The following NRG1 variants were observed in gnomAD, a reference collection of about 807,000 sequenced individuals.
NRG1 encodes neuregulin 1, also known as pro-neuregulin-1, membrane-bound isoform.
A neutral mutation model predicts 63.8 loss-of-function variants in NRG1; 18 were observed. The ratio of observed to expected loss-of-function variants is 0.28; its 90% confidence interval spans 0.19 to 0.42. NRG1 has a LOEUF of 0.42. NRG1 is among the 10% of genes least tolerant of loss of function. The probability of loss-of-function intolerance (pLI) is 1.00; values close to 1 mark genes in which losing one functional copy is unlikely to be tolerated. For synonymous variants in NRG1, 302 were observed against 301.3 expected, an observed-to-expected ratio of 1.00 and a Z score of -0.02; for missense variants, 762 against 814.7, an observed-to-expected ratio of 0.94 and a Z score of 0.79.
At chr8:32,018,781 T>C (rs1252992595) in intron 1 of NRG1, among the ~76,000 whole-genome samples, 6 of 152,212 alleles carry the variant, frequency 3.9e-5, no homozygotes, top group East Asian at 1.9e-4. Context: ...GGAATTGCTA[T>C]AGGTAGATGT....
chr8:31,805,425 TAG>T (rs1822172603), intron 1 of NRG1, among the ~76,000 whole-genome samples: 2 of 152,092 alleles, frequency 1.3e-5, no homozygotes, highest in South Asian at 4.1e-4. Context: ...GAAAATAGAG[TAG>T]ATAATTATTA....
At chr8:32,641,550 C>G (rs1852400805) in intron 5 of NRG1, among the ~76,000 whole-genome samples, 1 of 152,174 alleles carries the variant, frequency 6.6e-6, no homozygotes, top group Non-Finnish European at 1.5e-5. Flanking sequence ...CTATCGTATG[C>G]AATTAAAATA....
intron 1 of NRG1, among the ~76,000 whole-genome samples, chr8:32,350,121 T>G (rs1182373743): frequency 6.6e-6 from 1 of 152,180 alleles, no homozygotes; most frequent in Non-Finnish European, 1.5e-5. Flanking sequence ...AAATGTACCC[T>G]AAGTGGTCCT....
intron 1 of NRG1, among the ~76,000 whole-genome samples, chr8:32,498,756 CT>C (rs1394337154): frequency 2.0e-5 from 3 of 152,166 alleles, no homozygotes; most frequent in Non-Finnish European, 1.5e-5. Context: ...GACTCCCTAT[CT>C]TTATAACATG....
chr8:32,559,884 T>C (rs1014237573), intron 1 of NRG1, among the ~76,000 whole-genome samples: 5 of 150,028 alleles, frequency 3.3e-5, no homozygotes, highest in Non-Finnish European at 7.4e-5. Flanking sequence ...TAGCCAGGCA[T>C]GGTGGGATGC....
intron 1 of NRG1, among the ~76,000 whole-genome samples, chr8:31,897,131 A>G (rs1563539156): frequency 1.3e-5 from 2 of 152,214 alleles, no homozygotes. Context: ...AACTGAAAAT[A>G]CAATTCTAAG....
intron 1 of NRG1, among the ~76,000 whole-genome samples, chr8:32,510,971 T>TC (rs397892910): frequency 6.9e-6 from 1 of 144,084 alleles, no homozygotes; most frequent in Non-Finnish European, 1.5e-5. Context: ...TTTTTTTTTT[T>TC]CTGAAGCAGG....
At chr8:32,331,681 A>G (rs951182329) in intron 1 of NRG1, among the ~76,000 whole-genome samples, 1 of 152,208 alleles carries the variant, frequency 6.6e-6, no homozygotes, top group African/African-American at 2.4e-5. Flanking sequence ...TGTTGAGTTA[A>G]CCAAAGGAAG....
intron 1 of NRG1, among the ~76,000 whole-genome samples, chr8:31,820,705 G>A (rs1823922006): frequency 6.6e-6 from 1 of 152,086 alleles, no homozygotes; most frequent in Non-Finnish European, 1.5e-5. Flanking sequence ...AAATAAAAAA[G>A]TTACACATTT....
At chr8:31,885,619 G>A (rs1391955629) in intron 1 of NRG1, among the ~76,000 whole-genome samples, 1 of 152,076 alleles carries the variant, frequency 6.6e-6, no homozygotes, top group Non-Finnish European at 1.5e-5. Context: ...AAGTATAGAG[G>A]TGCCAAGGAG....
chr8:32,240,449 G>A (rs1047227987), intron 1 of NRG1, among the ~76,000 whole-genome samples: 14 of 152,038 alleles, frequency 9.2e-5, no homozygotes, highest in African/African-American at 3.4e-4. Context: ...GTTGCGCCAG[G>A]GATCCTGGTG....
At chr8:32,195,904 T>G (rs575774449) in intron 1 of NRG1, among the ~76,000 whole-genome samples, 1 of 152,278 alleles carries the variant, frequency 6.6e-6, no homozygotes, top group South Asian at 2.1e-4. Context: ...CTGGAATGAC[T>G]CAGTGATATA....
intron 7 of NRG1, among the ~76,000 whole-genome samples, chr8:32,745,451 T>C (rs1011529447): frequency 2.6e-5 from 4 of 152,202 alleles, no homozygotes; most frequent in African/African-American, 9.6e-5. Context: ...CTGGTCAGAA[T>C]GTCCAATGAG....
At chr8:32,403,290 ACT>A (rs1813475676) in intron 1 of NRG1, among the ~76,000 whole-genome samples, 1 of 105,502 alleles carries the variant, frequency 9.5e-6, no homozygotes, top group African/African-American at 3.6e-5. Flanking sequence ...ACAGAGCGAC[ACT>A]CTGTCTCAAA....
intron 1 of NRG1, among the ~76,000 whole-genome samples, chr8:32,051,307 G>A (rs1821940720): frequency 6.6e-6 from 1 of 152,142 alleles, no homozygotes; most frequent in African/African-American, 2.4e-5. Flanking sequence ...GGAATCCAGG[G>A]ACCCAACTTG....
intron 1 of NRG1, among the ~76,000 whole-genome samples, chr8:32,447,693 A>AC (rs904310831): frequency 1.3e-5 from 2 of 152,004 alleles, no homozygotes; most frequent in South Asian, 4.2e-4. Context: ...ACATAGTGAG[A>AC]CCCCATCTCT....
At chr8:31,753,226 C>T (rs1816658233) in intron 1 of NRG1, among the ~76,000 whole-genome samples, 2 of 151,878 alleles carry the variant, frequency 1.3e-5, no homozygotes, top group African/African-American at 4.8e-5. Flanking sequence ...TTATCATATT[C>T]TAATGAGCAT....
intron 1 of NRG1, among the ~76,000 whole-genome samples, chr8:31,734,351 A>T (rs1014429305): frequency 6.6e-6 from 1 of 152,168 alleles, no homozygotes; most frequent in African/African-American, 2.4e-5. Flanking sequence ...TAGAGTACAG[A>T]TTGTAACTGG....
intron 1 of NRG1, among the ~76,000 whole-genome samples, chr8:32,473,424 A>G (rs1325064871): frequency 6.6e-6 from 1 of 152,192 alleles, no homozygotes; most frequent in African/African-American, 2.4e-5. Context: ...CCTTTAAAAT[A>G]TCTAAATAAT....
Sources: allele counts gnomAD v4.1 joint callset (sites outside exome capture counted in the v4.1 genomes callset), GRCh38; gene constraint gnomAD v4.1.1; transcripts MANE v1.5; gene names NCBI Gene and HGNC (gene_info 2026-07-23, HGNC 2026-07-21).